FRMPD4: variants seen among roughly 807,000 people sequenced by gnomAD.
FRMPD4 encodes the protein FERM and PDZ domain-containing protein 4.
Under a neutral mutation model 94.1 loss-of-function variants are expected in FRMPD4, and 22 were observed. The ratio of observed to expected loss-of-function variants is 0.23; its 90% CI spans 0.17 to 0.33. The LOEUF is 0.33. Ranked by LOEUF, FRMPD4 falls within the 10% of genes least tolerant of loss-of-function variation. The pLI, the probability that FRMPD4 is intolerant of heterozygous loss-of-function variation, is 1.00. For missense variants in FRMPD4, 1,111 were observed against 1,339.9 expected, an observed-to-expected ratio of 0.83 and a Z score of 2.67; for synonymous variants, 631 against 548.6, an observed-to-expected ratio of 1.15 and a Z score of -2.10.
intron 3 of FRMPD4, among the ~76,000 whole-genome samples, chrX:11,912,469 A>G (rs1276144871): frequency 8.9e-6 from 1 of 112,364 alleles, no homozygotes; most frequent in African/African-American, 3.2e-5. Flanking sequence ...AATAACACAT[A>G]AAAGAAATAT....
Position 12,463,681 on chromosome X carries a change from G to GTGTTTTTTTTTTTTTTTTT in FRMPD4, c.42-34998_42-34997insGTTTTTTTTTTTTTTTTTT, listed in dbSNP as rs1555969426. On this transcript the variant is annotated intron_variant, in intron 1 of 16. Transcript: ENST00000675598. ...GGGTGCCTGTGCCTCCTATGTGTGT[G>GTGTTTTTTTTTTTTTTTTT]TTTTTTTTTTGTTTTTGTTTTTTTT... Among the ~76,000 whole-genome samples, 4 of 51,046 alleles carry GTGTTTTTTTTTTTTTTTTT rather than the reference G, an allele frequency of 7.8e-5. 2 individuals carry two copies. Among genetic ancestry groups the GTGTTTTTTTTTTTTTTTTT allele is most frequent in the Non-Finnish European group, 1.4e-4 (4 of 29,312 alleles). The allele number at this position is 51,046 out of a possible 115,157, so 44.3% of individuals were successfully genotyped here. A position where few individuals can be genotyped will look rare whatever the true frequency, so the allele number is the denominator to read the frequency against.
intron 1 of FRMPD4, among the ~76,000 whole-genome samples, chrX:12,198,339 T>G (rs1305566030): frequency 9.0e-6 from 1 of 111,332 alleles, no homozygotes; most frequent in African/African-American, 3.3e-5. Context: ...CGATGATTGC[T>G]TGACCAGTGC....
chrX:12,505,162 C>G (rs1264443085), intron 2 of FRMPD4, among the ~76,000 whole-genome samples: 1 of 112,071 alleles, frequency 8.9e-6, no homozygotes. Flanking sequence ...CCATCACAGC[C>G]TGTAATTGAA....
At chrX:12,101,004 A>G (rs1433103310) in intron 3 of FRMPD4, among the ~76,000 whole-genome samples, 1 of 112,166 alleles carries the variant, frequency 8.9e-6, no homozygotes, top group African/African-American at 3.2e-5. Flanking sequence ...CAAAAAGCAA[A>G]CTTTATAGTC....
At chrX:12,517,738 G>A (rs1488834152) in intron 2 of FRMPD4, among the ~76,000 whole-genome samples, 1 of 112,731 alleles carries the variant, frequency 8.9e-6, no homozygotes, top group Middle Eastern at 4.6e-3. Flanking sequence ...TTGGCAGAGG[G>A]GGTGTGCCGC....
chrX:12,603,099 G>A (rs754999977), intron 2 of FRMPD4, among the ~76,000 whole-genome samples: 1 of 111,486 alleles, frequency 9.0e-6, no homozygotes, highest in Non-Finnish European at 1.9e-5. Flanking sequence ...ATCATAGCTG[G>A]TCATCCCTGA....
At chrX:12,119,841 G>A (rs751494286) in intron 3 of FRMPD4, among the ~76,000 whole-genome samples, 1 of 112,551 alleles carries the variant, frequency 8.9e-6, no homozygotes, top group Non-Finnish European at 1.9e-5. Context: ...TTGTATAAAT[G>A]TATCTGTAGA....
chrX:12,140,300 T>C (rs181617889), intron 1 of FRMPD4, among the ~76,000 whole-genome samples: 1 of 112,355 alleles, frequency 8.9e-6, no homozygotes, highest in East Asian at 2.8e-4. Flanking sequence ...TAAATACCTG[T>C]GTCTTAGAGC....
chrX:11,923,176 T>C (rs2054067709), intron 3 of FRMPD4, among the ~76,000 whole-genome samples: 1 of 113,074 alleles, frequency 8.8e-6, no homozygotes, highest in Non-Finnish European at 1.9e-5. Flanking sequence ...TTACTTGCCA[T>C]GCCAGCATGT....
At chrX:12,518,617 T>A (rs991072743) in intron 2 of FRMPD4, among the ~76,000 whole-genome samples, 1 of 111,855 alleles carries the variant, frequency 8.9e-6, no homozygotes, top group African/African-American at 3.3e-5. Context: ...TTATACTCAA[T>A]GCTGAAAAAC....
intron 3 of FRMPD4, among the ~76,000 whole-genome samples, chrX:11,963,399 T>C (rs2054293737): frequency 8.9e-6 from 1 of 112,515 alleles, no homozygotes; most frequent in Non-Finnish European, 1.9e-5. Context: ...AATTAGTAGA[T>C]TTCAGTCCTG....
chrX:12,193,744 G>A (rs940811901), intron 1 of FRMPD4, among the ~76,000 whole-genome samples: 2 of 60,556 alleles, frequency 3.3e-5, no homozygotes, highest in African/African-American at 6.2e-5. Flanking sequence ...TGAATTATCC[G>A]AAAGAAACAG....
intron 2 of FRMPD4, among the ~76,000 whole-genome samples, chrX:12,509,522 G>A (rs1882364906): frequency 8.9e-6 from 1 of 111,792 alleles, no homozygotes; most frequent in Admixed American, 9.5e-5. Context: ...CTCATAAGTG[G>A]GAGCTAAGCT....
intron 1 of FRMPD4, among the ~76,000 whole-genome samples, chrX:12,363,048 G>A (rs2056020584): frequency 8.9e-6 from 1 of 112,141 alleles, no homozygotes; most frequent in African/African-American, 3.2e-5. Context: ...CTTTTTGATG[G>A]AGTTGTTTGA....
At chrX:11,977,056 C>A (rs999540842) in intron 3 of FRMPD4, among the ~76,000 whole-genome samples, 16 of 110,614 alleles carry the variant, frequency 1.4e-4, no homozygotes, top group African/African-American at 5.3e-4. Flanking sequence ...TAAATTATAC[C>A]GAACTACCAA....
At chrX:12,312,453 C>T (rs1297540854) in intron 1 of FRMPD4, among the ~76,000 whole-genome samples, 1 of 108,930 alleles carries the variant, frequency 9.2e-6, no homozygotes, top group Non-Finnish European at 1.9e-5. Flanking sequence ...CGGGGTTTCA[C>T]CATGTTAGCC....
intron 4 of FRMPD4, among the ~76,000 whole-genome samples, chrX:12,666,483 C>T (rs940763085): frequency 9.0e-6 from 1 of 111,469 alleles, no homozygotes; most frequent in African/African-American, 3.3e-5. Flanking sequence ...ATACATCCTT[C>T]TTGGTACCAC....
At chrX:11,925,854 C>A (rs751251341) in intron 3 of FRMPD4, among the ~76,000 whole-genome samples, 2 of 111,319 alleles carry the variant, frequency 1.8e-5, no homozygotes, top group East Asian at 5.6e-4. Context: ...ACTACAGAAC[C>A]AAGAGCAAAC....
intron 1 of FRMPD4, among the ~76,000 whole-genome samples, chrX:12,471,507 G>C (rs1446008255): frequency 9.0e-6 from 1 of 111,604 alleles, no homozygotes; most frequent in African/African-American, 3.3e-5. Flanking sequence ...AATCAAAAAA[G>C]ACTTCACAAG....
Sources: allele counts gnomAD v4.1 joint callset (sites outside exome capture counted in the v4.1 genomes callset), GRCh38; gene constraint gnomAD v4.1.1; transcripts MANE v1.5; gene names NCBI Gene and HGNC (gene_info 2026-07-23, HGNC 2026-07-21).